SEMA4F: variants seen among roughly 807,000 people sequenced by gnomAD.
The protein encoded by SEMA4F is ssemaphorin 4F.
A neutral mutation model predicts 78.4 loss-of-function variants in SEMA4F; 51 were observed. The observed-to-expected ratio is 0.65, with a 90% confidence interval of 0.52 to 0.82. SEMA4F has a LOEUF of 0.82. SEMA4F is among the 40% of genes least tolerant of loss of function. SEMA4F has a pLI of 0.00. For synonymous variants in SEMA4F, 418 were observed against 408.7 expected, an observed-to-expected ratio of 1.02 and a Z score of -0.27; for missense variants, 938 against 1,014.4, an observed-to-expected ratio of 0.92 and a Z score of 1.02.
At position 74,673,321 on chromosome 2, in the gene SEMA4F, C is replaced by T. The variant is rs1016074763; in HGVS notation, c.551-136C>T. ...TAATTGCAATAATGCCTGTGATGTG[C>T]TCAGCAGAGTCTGGCACTCATGGGT... On this transcript the variant is annotated intron_variant, in intron 5 of 13. Coordinates refer to ENST00000357877, the MANE Select transcript of SEMA4F (RefSeq NM_004263.5). 2.4e-5 allele frequency: 25 copies of T among 1,044,486 alleles called. 1 individual carries two copies. The highest frequency in any genetic ancestry group is 2.8e-6 in the Non-Finnish European group (2 of 710,824). The allele number at this position is 1,044,486 out of a possible 1,614,324, so 64.7% of individuals were successfully genotyped here.
At chr2:74,670,524 T>G (rs1573248325) in intron 5 of SEMA4F, among the ~76,000 whole-genome samples, 1 of 152,262 alleles carries the variant, frequency 6.6e-6, no homozygotes, top group Non-Finnish European at 1.5e-5. Context: ...TTTTGTGACC[T>G]CTATCTACTG....
At position 74,656,559 on chromosome 2, in the gene SEMA4F, C is replaced by T. The variant is rs267599462; in HGVS notation, c.171C>T (p.Phe57=). 19 of 1,613,948 alleles carry T rather than the reference C, an allele frequency of 1.2e-5. No individual in the cohort carries two copies. The highest frequency in any genetic ancestry group is 3.3e-5 in the Admixed American group (2 of 60,002). Residue 57 remains phenylalanine (F), a synonymous_variant, in exon 2 of 14, where the codon TTC becomes TTT. Coordinates refer to ENST00000357877, the MANE Select transcript of SEMA4F (RefSeq NM_004263.5). ...ISEADSCLTR[F]AVPHTYNYSV... is the part of the protein sequence containing the mutation. ...AGGCTGACTCCTGTCTCACCCGGTT[C>T]GCAGTCCCTCACACATACAATTACT...
At chr2:74,687,397 T>C (rs1017798053), downstream of SEMA4F, among the ~76,000 whole-genome samples, 1 of 152,242 alleles carries the variant, frequency 6.6e-6, no homozygotes, top group Non-Finnish European at 1.5e-5. Flanking sequence ...ATATCATCAA[T>C]TTGTATTTTC....
rs1685715501 is a variant in SEMA4F, at chr2:74,683,217, A to C, written c.*3008A>C. The C allele has an allele frequency of 6.6e-6, 1 of 152,256 alleles. No homozygotes were observed. The allele number at this position is 152,256 out of a possible 1,614,324, so 9.4% of individuals were successfully genotyped here. On this transcript the variant is annotated 3_prime_UTR_variant, in exon 14 of 14. Coordinates refer to ENST00000357877, the MANE Select transcript of SEMA4F (RefSeq NM_004263.5). Reference sequence around the variant, plus strand: ...TTGAGAAGGATGATTGGACCTGTCTAGTCAGGGAGGCTGAGGCCTCAGGCC... The same window carrying C: ...TTGAGAAGGATGATTGGACCTGTCTCGTCAGGGAGGCTGAGGCCTCAGGCC...
chr2:74,670,599 C>G (rs943977781), intron 5 of SEMA4F, among the ~76,000 whole-genome samples: 1 of 152,218 alleles, frequency 6.6e-6, no homozygotes, highest in Non-Finnish European at 1.5e-5. Flanking sequence ...TTGTTTTTCT[C>G]CAACCCTACG....
rs200774522 is a variant in SEMA4F at position 74,675,028 on chromosome 2, C to G, written c.1142C>G (p.Pro381Arg). Reference protein sequence around the residue: ...VVDNDVPQPRPGECITNNMKL... With the variant: ...VVDNDVPQPRRGECITNNMKL... ...GACAATGATGTGCCCCAGCCCAGACCTGGAGAGGTGAGGGGGCAGATCTTC... is the reference window on the plus strand; with the variant it reads ...GACAATGATGTGCCCCAGCCCAGACGTGGAGAGGTGAGGGGGCAGATCTTC... Residue 381 changes from proline (P) to arginine (R), a missense_variant, in exon 9 of 14, where the codon CCT (proline) becomes CGT (arginine). Transcript: ENST00000357877. 1 of 1,613,824 alleles carries G rather than the reference C, an allele frequency of 6.2e-7. No individual in the cohort carries two copies. The highest frequency in any genetic ancestry group is 8.5e-7 in the Non-Finnish European group (1 of 1,180,014).
chr2:74,690,120 A>G, the SEMA4F span, among the ~76,000 whole-genome samples: 1 of 152,156 alleles, frequency 6.6e-6, no homozygotes, highest in Non-Finnish European at 1.5e-5. Flanking sequence ...TCTTACTGAA[A>G]CACCCCACGG....
At chr2:74,695,283 G>C in the SEMA4F span, among the ~76,000 whole-genome samples, 1 of 152,258 alleles carries the variant, frequency 6.6e-6, no homozygotes, top group African/African-American at 2.4e-5. Context: ...TACTCGTAGA[G>C]CTCCTCTATC....
the SEMA4F span, among the ~76,000 whole-genome samples, chr2:74,689,596 G>A: frequency 6.6e-6 from 1 of 151,920 alleles, no homozygotes; most frequent in Non-Finnish European, 1.5e-5. Context: ...AAAATGTTGG[G>A]AAAAAAATCA....
At position 74,675,897 on chromosome 2, in the gene SEMA4F, G is replaced by A. The variant is rs1381165205; in HGVS notation, c.1631G>A (p.Gly544Glu). The A allele has an allele frequency of 6.2e-7, 1 of 1,612,388 alleles. No homozygotes were observed. The highest frequency in any genetic ancestry group is 1.1e-5 in the South Asian group (1 of 90,916). Residue 544 changes from glycine (G) to glutamate (E), a missense_variant, in exon 12 of 14, where the codon GGG becomes GAG. By Grantham distance (98) the Gly-to-Glu change is moderately conservative. Coordinates refer to ENST00000357877, the MANE Select transcript of SEMA4F (RefSeq NM_004263.5). ...FRLDECVAHA[G>E]EHRGLVQDIE... ...CTGGATGAGTGTGTGGCCCATGCCG[G>A]GGAGCACCGAGGGTGAGTGTAGCTG...
chr2:74,657,712 A>T (rs745747812), intron 3 of SEMA4F, 88 bp downstream of exon 3: 13 of 1,442,638 alleles, frequency 9.0e-6, no homozygotes, highest in Non-Finnish European at 1.2e-5. Flanking sequence ...CTTCCATACC[A>T]ATGGGCCCAG....
chr2:74,686,225 G>C (rs1035755936), downstream of SEMA4F, among the ~76,000 whole-genome samples: 1 of 151,660 alleles, frequency 6.6e-6, no homozygotes. Context: ...TTAGCCTCCC[G>C]AGTAGCTGGG....
the SEMA4F span, among the ~76,000 whole-genome samples, chr2:74,694,513 C>A: frequency 6.6e-6 from 1 of 152,152 alleles, no homozygotes; most frequent in Non-Finnish European, 1.5e-5. Context: ...ACAGCCATAT[C>A]CTCTTTATTA....
rs768988337 is a variant in SEMA4F, at chr2:74,654,396, G to A, written c.20G>A (p.Arg7Gln). 28 of 1,521,536 alleles carry A rather than the reference G, an allele frequency of 1.8e-5. No individual in the cohort carries two copies. In the African/African-American group the frequency reaches 4.0e-4, roughly 22 times the overall value. 94.3% of individuals were successfully genotyped at this position (1,521,536 alleles called of 1,614,324 possible). Residue 7 changes from arginine to glutamine, a missense_variant, in exon 1 of 14, where the codon CGG becomes CAG. Coordinates refer to ENST00000357877, the MANE Select transcript of SEMA4F (RefSeq NM_004263.5). The part of the protein sequence containing the change: MPASAA[R>Q]PRPGPGQPTA... ...CCAAAGATGCCGGCCTCTGCTGCGC[G>A]GCCCCGCCCGGGTCCCGGGCAGCCT...
chr2:74,700,821 G>C, the SEMA4F span, among the ~76,000 whole-genome samples: 1 of 152,174 alleles, frequency 6.6e-6, no homozygotes, highest in African/African-American at 2.4e-5. Context: ...CAGAAGGAAG[G>C]TGAAGAGACA....
the SEMA4F span, among the ~76,000 whole-genome samples, chr2:74,694,217 C>A: frequency 6.6e-6 from 1 of 152,084 alleles, no homozygotes; most frequent in African/African-American, 2.4e-5. Flanking sequence ...CATGCTTTCT[C>A]ATAGCGATTC....
At chr2:74,695,409 T>C in the SEMA4F span, among the ~76,000 whole-genome samples, 1 of 152,216 alleles carries the variant, frequency 6.6e-6, no homozygotes, top group East Asian at 1.9e-4. Flanking sequence ...TCTGGACTTT[T>C]GTCGTCCTCA....
At chr2:74,655,502 T>C (rs181637493) in intron 1 of SEMA4F, 1 of 174,234 alleles carries the variant, frequency 5.7e-6, no homozygotes, top group Non-Finnish European at 1.3e-5. Context: ...TGGCAACAAC[T>C]CTGGACTGGT....
At chr2:74,684,621 G>A (rs1381847021), downstream of SEMA4F, among the ~76,000 whole-genome samples, 1 of 152,126 alleles carries the variant, frequency 6.6e-6, no homozygotes, top group Non-Finnish European at 1.5e-5. Context: ...ATGGAGAAGG[G>A]CTATGATAGC....
Sources: gnomAD v4.1 joint callset for allele counts (sites outside exome capture counted in the v4.1 genomes callset) on GRCh38, gnomAD v4.1.1 for gene constraint, MANE v1.5 for transcripts, NCBI Gene and HGNC (gene_info 2026-07-23, HGNC 2026-07-21) for gene names.